Variants in SPON1 observed in about 807,000 individuals in gnomAD.
SPON1 encodes spondin 1, also known as spondin-1.
In SPON1, 52 loss-of-function variants were observed where a neutral mutation model predicts 111.7. The observed-to-expected ratio is 0.47, with a 90% CI of 0.37 to 0.59. SPON1 has a LOEUF of 0.59. SPON1 is among the 20% of genes least tolerant of loss of function. The pLI, the probability that SPON1 is intolerant of heterozygous loss-of-function variation, is 0.00. For synonymous variants in SPON1, 410 were observed against 395.8 expected (o/e 1.04, Z -0.43); for missense variants, 957 against 1,068.5 (o/e 0.90, Z 1.46).
intron 5 of SPON1, among the ~76,000 whole-genome samples, chr11:14,101,706 G>T (rs1037575193): frequency 5.9e-5 from 9 of 152,064 alleles, no homozygotes; most frequent in Admixed American, 4.6e-4. Flanking sequence ...CACTAAAAAG[G>T]TCTATTAATT....
In SPON1 at chr11:14,159,310, C is replaced by T. The variant is rs542150746; in HGVS notation, c.825+23742C>T. 2.6e-5 allele frequency among the ~76,000 whole-genome samples: 4 copies of T among 152,014 alleles called. No individual in the cohort carries two copies. In the East Asian group the frequency reaches 5.8e-4, roughly 22 times the overall value. On this transcript the variant is annotated intron_variant, in intron 6 of 15. Transcript: ENST00000576479. ...CAACATCATGATCATCAGAGAAATG[C>T]AAATCAAAACTGCAATGAGCTATTA...
intron 3 of SPON1, among the ~76,000 whole-genome samples, chr11:14,054,839 C>T (rs547350970): frequency 1.3e-5 from 2 of 152,160 alleles, no homozygotes; most frequent in Non-Finnish European, 2.9e-5. Flanking sequence ...ATCTACCATG[C>T]TTCTGCGGCC....
intron 2 of SPON1, among the ~76,000 whole-genome samples, chr11:14,018,440 T>A (rs776138862): frequency 6.6e-6 from 1 of 152,142 alleles, no homozygotes; most frequent in African/African-American, 2.4e-5. Context: ...AAATTTCTAG[T>A]TTAATGATGC....
intron 2 of SPON1, among the ~76,000 whole-genome samples, chr11:14,024,468 C>G (rs1554915089): frequency 6.6e-6 from 1 of 151,992 alleles, no homozygotes; most frequent in African/African-American, 2.4e-5. Flanking sequence ...TGGTCTTCCC[C>G]TGGAGTCAGG....
chr11:14,103,375 G>T (rs781991283), intron 5 of SPON1, among the ~76,000 whole-genome samples: 6 of 152,192 alleles, frequency 3.9e-5, no homozygotes, highest in Admixed American at 6.5e-5. Context: ...CTGCTGCCCT[G>T]AGATTATTCT....
At chr11:14,049,567 C>T (rs1279434500) in intron 3 of SPON1, among the ~76,000 whole-genome samples, 9 of 152,168 alleles carry the variant, frequency 5.9e-5, no homozygotes, top group African/African-American at 2.2e-4. Flanking sequence ...AACTCTGAAT[C>T]CTCCCTAGCC....
At chr11:14,034,220 T>A (rs1301761762) in intron 2 of SPON1, among the ~76,000 whole-genome samples, 2 of 152,114 alleles carry the variant, frequency 1.3e-5, no homozygotes, top group Non-Finnish European at 2.9e-5. Flanking sequence ...AACACAAAAA[T>A]TATACAAAGG....
intron 6 of SPON1, among the ~76,000 whole-genome samples, chr11:14,141,940 C>T (rs1847661806): frequency 6.6e-6 from 1 of 152,194 alleles, no homozygotes; most frequent in Admixed American, 6.5e-5. Flanking sequence ...CTCCAGTGAT[C>T]TTCCATGCTT....
intron 5 of SPON1, among the ~76,000 whole-genome samples, chr11:14,104,372 C>T (rs1176215164): frequency 6.6e-6 from 1 of 151,664 alleles, no homozygotes; most frequent in African/African-American, 2.4e-5. Context: ...GTATTATATA[C>T]ACAATTAATT....
chr11:14,161,059 A>C (rs1473673061), intron 6 of SPON1, among the ~76,000 whole-genome samples: 5 of 70,920 alleles, frequency 7.1e-5, no homozygotes, highest in African/African-American at 3.0e-4. Context: ...ATATATATTT[A>C]TATATATCTA....
intron 2 of SPON1, among the ~76,000 whole-genome samples, chr11:14,013,671 G>T (rs1380504910): frequency 4.6e-5 from 7 of 152,076 alleles, no homozygotes; most frequent in African/African-American, 1.4e-4. Context: ...TGTATACATT[G>T]CCAATTGAGC....
chr11:14,215,099 G>C (rs1249328615), intron 6 of SPON1, among the ~76,000 whole-genome samples: 5 of 151,944 alleles, frequency 3.3e-5, no homozygotes, highest in African/African-American at 1.2e-4. Flanking sequence ...ATTCAGGCTG[G>C]AGTGGCTATT....
chr11:14,016,092 A>G (rs569522423), intron 2 of SPON1, among the ~76,000 whole-genome samples: 1 of 152,344 alleles, frequency 6.6e-6, no homozygotes, highest in African/African-American at 2.4e-5. Flanking sequence ...AAGGAAGAAA[A>G]GGGGAAGAAG....
chr11:14,189,431 T>C (rs1029806884), intron 6 of SPON1, among the ~76,000 whole-genome samples: 6 of 152,172 alleles, frequency 3.9e-5, no homozygotes, highest in Non-Finnish European at 2.9e-5. Flanking sequence ...CAGGGCTCAT[T>C]TGCACAGCAT....
intron 2 of SPON1, among the ~76,000 whole-genome samples, chr11:14,004,394 G>A (rs1591347582): frequency 6.6e-6 from 1 of 152,234 alleles, no homozygotes; most frequent in South Asian, 2.1e-4. Context: ...TTTATTTTTA[G>A]TTGAGGAACC....
At chr11:13,979,329 C>T (rs186107740) in intron 1 of SPON1, among the ~76,000 whole-genome samples, 1 of 152,274 alleles carries the variant, frequency 6.6e-6, no homozygotes, top group Admixed American at 6.5e-5. Flanking sequence ...CCACCTGAAT[C>T]CAGCATTACC....
intron 1 of SPON1, among the ~76,000 whole-genome samples, chr11:13,980,816 C>T (rs1369224542): frequency 6.6e-6 from 1 of 152,032 alleles, no homozygotes; most frequent in Non-Finnish European, 1.5e-5. Flanking sequence ...TTTGTGAAGC[C>T]TTGGATATAG....
intron 6 of SPON1, among the ~76,000 whole-genome samples, chr11:14,193,579 AT>A (rs1848370226): frequency 1.3e-5 from 2 of 152,142 alleles, no homozygotes; most frequent in Non-Finnish European, 1.5e-5. Context: ...CTCACATTCA[AT>A]GTCACTTTGT....
At chr11:14,177,453 T>A (rs1318893168) in intron 6 of SPON1, among the ~76,000 whole-genome samples, 1 of 152,016 alleles carries the variant, frequency 6.6e-6, no homozygotes, top group East Asian at 1.9e-4. Context: ...CTGAGTCAGT[T>A]CCTGGGTGGG....
Sources: gnomAD v4.1 joint callset for allele counts (sites outside exome capture counted in the v4.1 genomes callset) on GRCh38, gnomAD v4.1.1 for gene constraint, MANE v1.5 for transcripts, NCBI Gene and HGNC (gene_info 2026-07-23, HGNC 2026-07-21) for gene names.